The following RBFOX1 variants were observed in gnomAD, a reference collection of about 807,000 sequenced individuals.
RBFOX1 encodes RNA binding fox-1 homolog 1, also known as RNA binding protein fox-1 homolog 1.
A neutral mutation model predicts 57.7 loss-of-function variants in RBFOX1; 8 were observed. The observed-to-expected ratio is 0.14, with a 90% CI of 0.08 to 0.25. The LOEUF is 0.25. Among genes scored for constraint, RBFOX1 ranks in the 10% least tolerant of loss-of-function variants. The pLI is 1.00. For synonymous variants in RBFOX1, 326 were observed against 222.4 expected, an observed-to-expected ratio of 1.47 and a Z score of -4.15; for missense variants, 611 against 548.5, an observed-to-expected ratio of 1.11 and a Z score of -1.14.
chr16:7,581,721 C>A (rs2093778807), intron 6 of RBFOX1, among the ~76,000 whole-genome samples: 1 of 152,054 alleles, frequency 6.6e-6, no homozygotes, highest in Non-Finnish European at 1.5e-5. Context: ...AGTTTCAGGG[C>A]TCTTGTTTTT....
chr16:7,043,446 A>G (rs1382278389), intron 3 of RBFOX1, among the ~76,000 whole-genome samples: 4 of 152,208 alleles, frequency 2.6e-5, no homozygotes, highest in Admixed American at 2.0e-4. Context: ...TAGTCCTGAA[A>G]TGCATCAAGG....
chr16:7,544,017 C>T (rs1266706535), intron 5 of RBFOX1, among the ~76,000 whole-genome samples: 1 of 152,206 alleles, frequency 6.6e-6, no homozygotes, highest in Non-Finnish European at 1.5e-5. Flanking sequence ...CCACTCCCAG[C>T]CATGTCTGTG....
intron 3 of RBFOX1, among the ~76,000 whole-genome samples, chr16:6,911,625 A>C (rs2071624341): frequency 6.6e-6 from 1 of 152,206 alleles, no homozygotes; most frequent in South Asian, 2.1e-4. Flanking sequence ...CACGTCTCAC[A>C]GATCCTAAGG....
chr16:7,693,416 C>CTCT, intron 14 of RBFOX1: 1 of 782,666 alleles, frequency 1.3e-6, no homozygotes, highest in Non-Finnish European at 1.8e-6. Flanking sequence ...TCTCAGTATC[C>CTCT]TTTTTTTTTT....
chr16:6,130,460 A>G (rs1309305634), intron 1 of RBFOX1, among the ~76,000 whole-genome samples: 1 of 152,146 alleles, frequency 6.6e-6, no homozygotes, highest in African/African-American at 2.4e-5. Flanking sequence ...AGAAGTCAAG[A>G]AATAAGGAAT....
chr16:6,137,788 T>C (rs1400385616), intron 1 of RBFOX1, among the ~76,000 whole-genome samples: 2 of 151,882 alleles, frequency 1.3e-5, no homozygotes, highest in East Asian at 1.9e-4. Context: ...TTAAAATTTT[T>C]TGTAGAGACA....
chr16:6,822,546 T>C (rs1016911320), intron 3 of RBFOX1, among the ~76,000 whole-genome samples: 1 of 152,186 alleles, frequency 6.6e-6, no homozygotes, highest in Non-Finnish European at 1.5e-5. Flanking sequence ...AGATAAAACA[T>C]GTCTTGCCGT....
At chr16:6,246,782 T>C (rs773329074) in intron 1 of RBFOX1, among the ~76,000 whole-genome samples, 9 of 152,150 alleles carry the variant, frequency 5.9e-5, no homozygotes, top group Non-Finnish European at 1.2e-4. Flanking sequence ...CTCCAGTCCA[T>C]TGTAGGCTGG....
intron 2 of RBFOX1, among the ~76,000 whole-genome samples, chr16:6,610,270 C>A (rs1002241128): frequency 1.3e-5 from 2 of 152,000 alleles, no homozygotes; most frequent in African/African-American, 2.4e-5. Flanking sequence ...TAAAGTATGG[C>A]ATTATTAGTA....
chr16:6,332,311 T>G (rs1433676835), intron 2 of RBFOX1, among the ~76,000 whole-genome samples: 1 of 152,198 alleles, frequency 6.6e-6, no homozygotes, highest in African/African-American at 2.4e-5. Flanking sequence ...TGTCACTGTG[T>G]GAGGCATTTT....
At chr16:6,558,552 C>G (rs1221059580) in intron 2 of RBFOX1, among the ~76,000 whole-genome samples, 2 of 152,062 alleles carry the variant, frequency 1.3e-5, no homozygotes, top group African/African-American at 4.8e-5. Flanking sequence ...TCATGACTTT[C>G]AAAAGTTTCC....
intron 3 of RBFOX1, among the ~76,000 whole-genome samples, chr16:6,858,469 C>T (rs1603633137): frequency 6.6e-6 from 1 of 152,116 alleles, no homozygotes; most frequent in Admixed American, 6.5e-5. Flanking sequence ...TTAGGCATAG[C>T]ACTTTGGTTT....
At chr16:7,015,200 G>T (rs768378457) in intron 3 of RBFOX1, among the ~76,000 whole-genome samples, 5 of 152,276 alleles carry the variant, frequency 3.3e-5, no homozygotes, top group African/African-American at 4.8e-5. Flanking sequence ...AGCAGCAGAT[G>T]CATCCAGTGG....
chr16:6,713,769 C>T (rs1346201069), intron 3 of RBFOX1, among the ~76,000 whole-genome samples: 1 of 152,132 alleles, frequency 6.6e-6, no homozygotes, highest in Non-Finnish European at 1.5e-5. Flanking sequence ...CTCCTGCTCA[C>T]CCTTCATGTT....
intron 3 of RBFOX1, among the ~76,000 whole-genome samples, chr16:6,667,191 G>T (rs1198207940): frequency 6.6e-6 from 1 of 152,144 alleles, no homozygotes; most frequent in Non-Finnish European, 1.5e-5. Context: ...AGCCTCTGAT[G>T]GGCCGGAAAC....
intron 3 of RBFOX1, among the ~76,000 whole-genome samples, chr16:6,763,812 C>G (rs2076961551): frequency 6.6e-6 from 1 of 152,008 alleles, no homozygotes; most frequent in Non-Finnish European, 1.5e-5. Flanking sequence ...GTGGGAATAG[C>G]AAATGGTCTT....
At chr16:7,095,797 G>T (rs374690317) in intron 4 of RBFOX1, among the ~76,000 whole-genome samples, 1 of 152,100 alleles carries the variant, frequency 6.6e-6, no homozygotes, top group Non-Finnish European at 1.5e-5. Context: ...CCGATCATGA[G>T]GTCAGGAGAT....
At chr16:6,424,009 G>T (rs150245957) in intron 2 of RBFOX1, among the ~76,000 whole-genome samples, 2 of 152,260 alleles carry the variant, frequency 1.3e-5, no homozygotes, top group East Asian at 3.9e-4. Context: ...GGAGGCCGAG[G>T]CAGGTGGATC....
At chr16:7,244,466 C>T (rs986391821) in intron 4 of RBFOX1, among the ~76,000 whole-genome samples, 1 of 152,126 alleles carries the variant, frequency 6.6e-6, no homozygotes, top group Non-Finnish European at 1.5e-5. Context: ...TTTGGCCATC[C>T]TCTTTGCAAA....
Sources: gnomAD v4.1 joint callset for allele counts (sites outside exome capture counted in the v4.1 genomes callset) on GRCh38, gnomAD v4.1.1 for gene constraint, MANE v1.5 for transcripts, NCBI Gene and HGNC (gene_info 2026-07-23, HGNC 2026-07-21) for gene names.